The following ARHGEF6 variants were observed in gnomAD, a reference collection of about 807,000 sequenced individuals.
The protein encoded by ARHGEF6 is Rac/Cdc42 guanine nucleotide exchange factor 6.
In ARHGEF6, 9 loss-of-function variants were observed where a neutral mutation model predicts 70.3. That is an observed-to-expected ratio of 0.13 (90% CI 0.08 to 0.22). The LOEUF is 0.22. Ranked by LOEUF, ARHGEF6 falls within the 10% of genes least tolerant of loss-of-function variation. The pLI is 1.00. For missense variants in ARHGEF6, 470 were observed against 563.0 expected (o/e 0.83, Z 1.67); for synonymous variants, 201 against 207.8 (o/e 0.97, Z 0.28).
intron 2 of ARHGEF6, among the ~76,000 whole-genome samples, chrX:136,772,591 C>T (rs1321898402): frequency 8.9e-6 from 1 of 112,494 alleles, no homozygotes; most frequent in Non-Finnish European, 1.9e-5. Flanking sequence ...TTTTTGTGGG[C>T]CAGGCACAGT....
At chrX:136,670,124 A>G (rs952905991) in intron 20 of ARHGEF6, among the ~76,000 whole-genome samples, 3 of 112,109 alleles carry the variant, frequency 2.7e-5, no homozygotes, top group Admixed American at 9.4e-5. Context: ...AGTCCTTAAC[A>G]TAAAATGGCA....
At chrX:136,735,353 C>T (rs1275873610) in intron 5 of ARHGEF6, among the ~76,000 whole-genome samples, 2 of 110,805 alleles carry the variant, frequency 1.8e-5, no homozygotes, top group Non-Finnish European at 3.8e-5. Context: ...CTCCCCACCC[C>T]GACCCCTACC....
At position 136,708,773 on chromosome X, in the gene ARHGEF6, GAA is replaced by G; in HGVS notation, c.828-5_828-4del. 2 of 1,141,510 alleles carry G rather than the reference GAA, an allele frequency of 1.8e-6. No individual in the cohort carries two copies. Among genetic ancestry groups the G allele is most frequent in the Non-Finnish European group, 2.4e-6 (2 of 841,287 alleles). 94.1% of individuals were successfully genotyped at this position (1,141,510 alleles called of 1,213,427 possible). ...ATGTAACCTCCACAGTACTCAGACT[GAA>G]AAAAAAATACAGTACATGTAGTTAT... On this transcript the variant is annotated splice_region_variant and splice_polypyrimidine_tract_variant and intron_variant, in intron 7 of 21. Coordinates refer to ENST00000250617, the MANE Select transcript of ARHGEF6 (RefSeq NM_004840.3).
intron 6 of ARHGEF6, among the ~76,000 whole-genome samples, chrX:136,713,770 A>G (rs1222116291): frequency 8.9e-6 from 1 of 112,068 alleles, no homozygotes; most frequent in Admixed American, 9.4e-5. Flanking sequence ...GTGAGACCAC[A>G]TCAAACCCCA....
intron 5 of ARHGEF6, among the ~76,000 whole-genome samples, chrX:136,733,726 C>T (rs373781826): frequency 8.9e-6 from 1 of 112,201 alleles, no homozygotes; most frequent in Non-Finnish European, 1.9e-5. Flanking sequence ...TCTCATTTTA[C>T]GGAGGAGGCC....
intron 2 of ARHGEF6, among the ~76,000 whole-genome samples, chrX:136,752,006 T>C (rs775444800): frequency 1.3e-3 from 142 of 111,664 alleles, no homozygotes; most frequent in Non-Finnish European, 1.6e-3. Context: ...CCAATAAAGA[T>C]ACACAAGAAA....
At chrX:136,685,947 T>A in intron 11 of ARHGEF6, 124 bp from the exon 12 acceptor site, 1 of 734,554 alleles carries the variant, frequency 1.4e-6, no homozygotes, top group Non-Finnish European at 2.1e-6. Context: ...TCATCATGAA[T>A]CCCATGACCC....
At chrX:136,705,548 A>G (rs1355393648) in intron 9 of ARHGEF6, among the ~76,000 whole-genome samples, 2 of 111,863 alleles carry the variant, frequency 1.8e-5, no homozygotes, top group Non-Finnish European at 3.8e-5. Flanking sequence ...AAGCCTTCCA[A>G]TGTCTTATCT....
intron 6 of ARHGEF6, among the ~76,000 whole-genome samples, chrX:136,718,217 T>C (rs1353366735): frequency 1.8e-5 from 2 of 111,847 alleles, no homozygotes; most frequent in East Asian, 2.8e-4. Flanking sequence ...GGAGTGGCTA[T>C]GTTAATTTTA....
chrX:136,730,467 C>T (rs1233401805), intron 6 of ARHGEF6, among the ~76,000 whole-genome samples: 1 of 111,404 alleles, frequency 9.0e-6, no homozygotes, highest in Non-Finnish European at 1.9e-5. Context: ...TACAATATAT[C>T]CAGCTGGCCA....
At chrX:136,669,070 G>A (rs1015907187) in intron 21 of ARHGEF6, among the ~76,000 whole-genome samples, 4 of 111,312 alleles carry the variant, frequency 3.6e-5, no homozygotes, top group African/African-American at 1.3e-4. Flanking sequence ...CCTTCACTCT[G>A]TCACCAGATA....
intron 5 of ARHGEF6, among the ~76,000 whole-genome samples, chrX:136,732,805 T>C (rs768307352): frequency 8.9e-6 from 1 of 111,955 alleles, no homozygotes; most frequent in East Asian, 2.8e-4. Flanking sequence ...TGATTTATGA[T>C]ACTTTCAACT....
chrX:136,671,952 C>T, intron 20 of ARHGEF6, 68 bp downstream of exon 20: 1 of 903,968 alleles, frequency 1.1e-6, no homozygotes, highest in Non-Finnish European at 1.6e-6. Context: ...TCCAGGAGCT[C>T]CCCGTCCTAC....
At chrX:136,713,093 C>T (rs2076703777) in intron 7 of ARHGEF6, among the ~76,000 whole-genome samples, 183 bp downstream of exon 7, 1 of 110,324 alleles carries the variant, frequency 9.1e-6, no homozygotes, top group African/African-American at 3.3e-5. Flanking sequence ...GAAAGAAAGC[C>T]AAGCTCTCCA....
At chrX:136,776,328 G>A (rs1435767102) in intron 2 of ARHGEF6, among the ~76,000 whole-genome samples, 1 of 111,795 alleles carries the variant, frequency 8.9e-6, no homozygotes, top group Non-Finnish European at 1.9e-5. Context: ...GCATGGTAGT[G>A]GTATAAAAAT....
chrX:136,688,736 C>T (rs190212192), intron 10 of ARHGEF6, among the ~76,000 whole-genome samples: 1 of 112,241 alleles, frequency 8.9e-6, no homozygotes, highest in Admixed American at 9.4e-5. Context: ...AAAATGCCTC[C>T]ATTTTCTTTC....
intron 2 of ARHGEF6, among the ~76,000 whole-genome samples, chrX:136,752,736 G>C (rs919672828): frequency 1.1e-4 from 12 of 112,219 alleles, no homozygotes; most frequent in Admixed American, 2.8e-4. Flanking sequence ...GATACATTGG[G>C]ACCACAAGGA....
chrX:136,677,260 G>A (rs376187548), intron 17 of ARHGEF6, among the ~76,000 whole-genome samples: 207 of 112,118 alleles, frequency 1.8e-3, no homozygotes, highest in Non-Finnish European at 3.3e-3. Flanking sequence ...CCATTTTTCC[G>A]CAGTCAAAGA....
In ARHGEF6 at chrX:136,665,556, T is replaced by C. The variant is rs984351239; in HGVS notation, c.*2473A>G. 5 of 112,706 alleles carry C rather than the reference T, an allele frequency of 4.4e-5. No individual in the cohort carries two copies. The highest frequency in any genetic ancestry group is 1.6e-4 in the African/African-American group (5 of 30,921). The allele number at this position is 112,706 out of a possible 1,213,427, so 9.3% of individuals were successfully genotyped here. A position where few individuals can be genotyped will look rare whatever the true frequency, so the allele number is the denominator to read the frequency against. Reference sequence around the variant, plus strand: ...AAAAGAAGCAAAAGACTTATTTTTATAAAGCACTGTTTATTTTTATGTATT... The same window carrying C: ...AAAAGAAGCAAAAGACTTATTTTTACAAAGCACTGTTTATTTTTATGTATT... On this transcript the variant is annotated 3_prime_UTR_variant, in exon 22 of 22. Coordinates refer to ENST00000250617, the MANE Select transcript of ARHGEF6 (RefSeq NM_004840.3).
Sources: allele counts gnomAD v4.1 joint callset (sites outside exome capture counted in the v4.1 genomes callset), GRCh38; gene constraint gnomAD v4.1.1; transcripts MANE v1.5; gene names NCBI Gene and HGNC (gene_info 2026-07-23, HGNC 2026-07-21).